Variants in PIP4K2A observed in about 807,000 individuals in gnomAD.
PIP4K2A encodes the protein phosphatidylinositol 5-phosphate 4-kinase type-2 alpha.
A neutral mutation model predicts 42.9 loss-of-function variants in PIP4K2A; 14 were observed. The observed-to-expected ratio is 0.33, with a 90% CI of 0.22 to 0.51. The LOEUF (loss-of-function observed/expected upper bound fraction) is 0.51, where lower values mean the gene tolerates loss of function less well. Among genes scored for constraint, PIP4K2A ranks in the 20% least tolerant of loss-of-function variants. PIP4K2A has a pLI of 0.97. For missense variants in PIP4K2A, 434 were observed against 519.8 expected (o/e 0.83, Z 1.61); for synonymous variants, 192 against 192.2 (o/e 1.00, Z 0.01).
intron 1 of PIP4K2A, among the ~76,000 whole-genome samples, chr10:22,656,710 T>C (rs1008157446): frequency 4.7e-5 from 7 of 150,254 alleles, no homozygotes; most frequent in Non-Finnish European, 1.0e-4. Context: ...GGCAGAAGAA[T>C]AGCTTGAACC....
intron 1 of PIP4K2A, among the ~76,000 whole-genome samples, chr10:22,678,789 A>C (rs973362619): frequency 3.3e-5 from 5 of 152,210 alleles, no homozygotes; most frequent in Non-Finnish European, 5.9e-5. Context: ...TTGCAGTCTT[A>C]TTTGTGGCAA....
In PIP4K2A at chr10:22,713,369, C is replaced by T. The variant is rs111957864; in HGVS notation, c.144+814G>A. 6.9e-3 allele frequency among the ~76,000 whole-genome samples: 1,047 copies of T among 152,228 alleles called. 9 individuals carry two copies. Among genetic ancestry groups the T allele is most frequent in the East Asian group, 0.063 (324 of 5,120 alleles). On this transcript the variant is annotated intron_variant, in intron 1 of 9. Transcript: ENST00000376573. The stretch of plus-strand genomic sequence containing the variant: ...ACTCGGGACCCCCTCCGCCCGCGCC[C>T]GCCGGGACCCCCGCCTGCTGTCCCC...
intron 6 of PIP4K2A, among the ~76,000 whole-genome samples, chr10:22,562,502 TTGCACCAC>T (rs1300316029): frequency 3.9e-5 from 6 of 152,294 alleles, no homozygotes; most frequent in African/African-American, 1.4e-4. Flanking sequence ...TGAGCTGAGA[TTGCACCAC>T]TGCACTCCAG....
chr10:22,619,442 T>TTC (rs1554802336), intron 1 of PIP4K2A, among the ~76,000 whole-genome samples: 1 of 149,512 alleles, frequency 6.7e-6, no homozygotes, highest in Non-Finnish European at 1.5e-5. Context: ...CTTTTTTCTT[T>TTC]TTTTTTTTTT....
At chr10:22,703,994 AATC>A (rs1294766179) in intron 1 of PIP4K2A, among the ~76,000 whole-genome samples, 16 of 152,164 alleles carry the variant, frequency 1.1e-4, no homozygotes, top group Non-Finnish European at 1.6e-4. Context: ...GCAGGGAGGA[AATC>A]AAGAGGCCTG....
chr10:22,608,424 C>T (rs1401379026), intron 2 of PIP4K2A, among the ~76,000 whole-genome samples: 1 of 152,162 alleles, frequency 6.6e-6, no homozygotes, highest in Non-Finnish European at 1.5e-5. Flanking sequence ...AAAGGAGGGC[C>T]ACTCCCTCAC....
At chr10:22,612,875 G>A (rs1232286451) in intron 1 of PIP4K2A, among the ~76,000 whole-genome samples, 1 of 152,120 alleles carries the variant, frequency 6.6e-6, no homozygotes, top group African/African-American at 2.4e-5. Context: ...GGGCAGCAGG[G>A]GCAAGAGATA....
rs531477426 is a variant in PIP4K2A, at chr10:22,581,565, T to TAAAA, written c.493-8112_493-8109dup. ...GGGCAACACAGGGAGATCCTATCTC[T>TAAAA]AAAAAAAAAAAAAAAAAAAAAAAAA... On this transcript the variant is annotated intron_variant, in intron 4 of 9. Coordinates refer to ENST00000376573, the MANE Select transcript of PIP4K2A (RefSeq NM_005028.5). Among the ~76,000 whole-genome samples the TAAAA allele has an allele frequency of 3.2e-4, 25 of 78,658 alleles. 1 individual carries two copies. Among genetic ancestry groups the TAAAA allele is most frequent in the South Asian group, 5.2e-4 (1 of 1,932 alleles). 51.6% of individuals were successfully genotyped at this position (78,658 alleles called of 152,430 possible). A position where few individuals can be genotyped will look rare whatever the true frequency, so the allele number is the denominator to read the frequency against.
At chr10:22,628,077 C>T (rs1388691875) in intron 1 of PIP4K2A, among the ~76,000 whole-genome samples, 1 of 152,116 alleles carries the variant, frequency 6.6e-6, no homozygotes, top group African/African-American at 2.4e-5. Context: ...TTATATCTAG[C>T]AAAGAAAAAT....
intron 1 of PIP4K2A, among the ~76,000 whole-genome samples, chr10:22,630,632 C>G (rs1025348980): frequency 6.6e-6 from 1 of 152,182 alleles, no homozygotes; most frequent in Non-Finnish European, 1.5e-5. Context: ...GTGACCCAAC[C>G]GTTCTGTTTT....
At chr10:22,604,980 CACA>C (rs1488315444) in intron 3 of PIP4K2A, among the ~76,000 whole-genome samples, 1 of 152,162 alleles carries the variant, frequency 6.6e-6, no homozygotes. Flanking sequence ...CCAGAGCTGT[CACA>C]ACGACCCTCC....
rs140157035 is a variant in PIP4K2A at position 22,553,867 on chromosome 10, G to A, written c.679-3095C>T. 4.4e-3 allele frequency among the ~76,000 whole-genome samples: 658 copies of A among 149,812 alleles called. 6 individuals carry two copies. The highest frequency in any genetic ancestry group is 0.015 in the African/African-American group (612 of 40,586). ...AAGAACAAGATAGGCTGGGCGTGGC[G>A]GCTCACACCTGCAATCTCAGCACTT... On this transcript the variant is annotated intron_variant, in intron 6 of 9. Coordinates refer to ENST00000376573, the MANE Select transcript of PIP4K2A (RefSeq NM_005028.5).
chr10:22,642,978 G>A (rs1019487366), intron 1 of PIP4K2A, among the ~76,000 whole-genome samples: 7 of 152,040 alleles, frequency 4.6e-5, no homozygotes, highest in African/African-American at 1.7e-4. Context: ...AGCTCATCAC[G>A]CTCCTGAATA....
intron 4 of PIP4K2A, among the ~76,000 whole-genome samples, chr10:22,573,662 A>C (rs757098463): frequency 3.3e-5 from 5 of 152,278 alleles, no homozygotes; most frequent in Non-Finnish European, 7.3e-5. Flanking sequence ...ATTCAATTTT[A>C]TCTCCAAACA....
At chr10:22,630,926 A>ATTC (rs1205773672) in intron 1 of PIP4K2A, among the ~76,000 whole-genome samples, 1 of 152,154 alleles carries the variant, frequency 6.6e-6, no homozygotes, top group Non-Finnish European at 1.5e-5. Context: ...CAATTCTCTT[A>ATTC]TTCTTCTTAC....
chr10:22,554,283 C>CT (rs1185051248), intron 6 of PIP4K2A, among the ~76,000 whole-genome samples: 2 of 152,050 alleles, frequency 1.3e-5, no homozygotes, highest in Non-Finnish European at 2.9e-5. Context: ...TTAGAAACAT[C>CT]TTTTTTTTAA....
At chr10:22,571,964 C>T (rs1453404853) in intron 5 of PIP4K2A, among the ~76,000 whole-genome samples, 1 of 152,176 alleles carries the variant, frequency 6.6e-6, no homozygotes, top group Non-Finnish European at 1.5e-5. Context: ...AGTTATTTTT[C>T]ATAAAAATGT....
At chr10:22,643,629 C>T (rs1181422278) in intron 1 of PIP4K2A, among the ~76,000 whole-genome samples, 3 of 152,180 alleles carry the variant, frequency 2.0e-5, no homozygotes, top group Admixed American at 2.0e-4. Context: ...GTCATAATTT[C>T]TCATCAGCAA....
intron 1 of PIP4K2A, among the ~76,000 whole-genome samples, chr10:22,645,130 T>G: frequency 6.6e-6 from 1 of 152,254 alleles, no homozygotes. Context: ...TTTAAAATTT[T>G]GATTCTCCAC....
Sources: allele counts gnomAD v4.1 joint callset (sites outside exome capture counted in the v4.1 genomes callset), GRCh38; gene constraint gnomAD v4.1.1; transcripts MANE v1.5; gene names NCBI Gene and HGNC (gene_info 2026-07-23, HGNC 2026-07-21).